The following TMEM41B variants were observed in gnomAD, a reference collection of about 807,000 sequenced individuals.
TMEM41B encodes transmembrane protein 41B, also known as protein stasimon.
In TMEM41B, 18 loss-of-function variants were observed where a neutral mutation model predicts 31.9. The observed-to-expected ratio is 0.56, with a 90% CI of 0.39 to 0.84. TMEM41B has a LOEUF of 0.84. TMEM41B is among the 40% of genes least tolerant of loss of function. The pLI, the probability that TMEM41B is intolerant of heterozygous loss-of-function variation, is 0.00. For missense variants in TMEM41B, 322 were observed against 348.0 expected, an observed-to-expected ratio of 0.93 and a Z score of 0.59; for synonymous variants, 144 against 124.3, an observed-to-expected ratio of 1.16 and a Z score of -1.05.
In TMEM41B at chr11:9,307,440, A is replaced by C. The variant is rs545179985; in HGVS notation, c.121+6881T>G. Among the ~76,000 whole-genome samples, 27 of 144,000 alleles carry C rather than the reference A, an allele frequency of 1.9e-4. No homozygotes were observed. The East Asian group carries it at 5.1e-3, about 27-fold the overall frequency. The allele number at this position is 144,000 out of a possible 152,430, so 94.5% of individuals were successfully genotyped here. On this transcript the variant is annotated intron_variant, in intron 1 of 6. Coordinates refer to ENST00000528080, the MANE Select transcript of TMEM41B (RefSeq NM_015012.4). ...AATTTAAACAGCTGAAGTATCATAA[A>C]ATAAAATCTTTTTTTTTTTTTGAGA...
chr11:9,293,644 C>T (rs1853008890), intron 3 of TMEM41B, among the ~76,000 whole-genome samples: 1 of 152,054 alleles, frequency 6.6e-6, no homozygotes, highest in East Asian at 1.9e-4. Flanking sequence ...TGCAGTGGCA[C>T]GATCTCAGCT....
At chr11:9,313,888 A>T (rs1853622850) in intron 1 of TMEM41B, among the ~76,000 whole-genome samples, 4 of 152,146 alleles carry the variant, frequency 2.6e-5, no homozygotes. Context: ...GCCACCTGGA[A>T]GTATTAAGTC....
intron 1 of TMEM41B, among the ~76,000 whole-genome samples, chr11:9,304,612 A>G (rs1457459882): frequency 6.6e-6 from 1 of 151,854 alleles, no homozygotes; most frequent in Admixed American, 6.6e-5. Context: ...CAGCCTCCTG[A>G]CTAGCTGGGA....
Position 9,281,383 on chromosome 11 carries a change from TAAG to T in TMEM41B, c.*2038_*2040del, listed in dbSNP as rs1414327235. ...ATCTCACGCAAAAGGCCAGGTGACATAAGAATACTACAATAATCAATATGTTTT... is the reference window on the plus strand; with the variant it reads ...ATCTCACGCAAAAGGCCAGGTGACATAATACTACAATAATCAATATGTTTT... On this transcript the variant is annotated 3_prime_UTR_variant, in exon 7 of 7. Coordinates refer to ENST00000528080, the MANE Select transcript of TMEM41B (RefSeq NM_015012.4). 1.3e-5 allele frequency: 2 copies of T among 152,190 alleles called. No homozygotes were observed. The highest frequency in any genetic ancestry group is 3.8e-4 in the East Asian group (2 of 5,198). The allele number at this position is 152,190 out of a possible 1,614,324, so 9.4% of individuals were successfully genotyped here.
chr11:9,299,722 T>C, intron 1 of TMEM41B, 21 bp from the exon 2 acceptor site: 1 of 1,484,620 alleles, frequency 6.7e-7, no homozygotes, highest in Non-Finnish European at 9.3e-7. Flanking sequence ...AAAGAAAGTA[T>C]AATTAAGATA....
intron 3 of TMEM41B, among the ~76,000 whole-genome samples, chr11:9,291,678 G>A (rs111830041): frequency 2.6e-4 from 40 of 151,544 alleles, no homozygotes; most frequent in African/African-American, 7.7e-4. Flanking sequence ...GGGATTACAG[G>A]TGTGGCCACC....
intron 5 of TMEM41B, 65 bp from the exon 6 acceptor site, chr11:9,286,658 A>G (rs1852844308): frequency 2.0e-6 from 3 of 1,468,232 alleles, no homozygotes; most frequent in African/African-American, 2.8e-5. Flanking sequence ...TGCTTAATAT[A>G]AACACCTTAT....
chr11:9,297,907 A>G (rs1853138627), intron 2 of TMEM41B, among the ~76,000 whole-genome samples: 1 of 151,608 alleles, frequency 6.6e-6, no homozygotes, highest in African/African-American at 2.4e-5. Flanking sequence ...TCTACAAAAA[A>G]TTAAAGAACT....
At chr11:9,292,983 C>G (rs962295979) in intron 3 of TMEM41B, among the ~76,000 whole-genome samples, 3 of 152,098 alleles carry the variant, frequency 2.0e-5, no homozygotes, top group African/African-American at 7.2e-5. Context: ...AAGATTCCTG[C>G]TATTCTCTTT....
At chr11:9,288,564 T>G in intron 3 of TMEM41B, 29 bp from the exon 4 acceptor site, 1 of 1,435,864 alleles carries the variant, frequency 7.0e-7, no homozygotes, top group Non-Finnish European at 9.5e-7. Flanking sequence ...AGGATTAGAA[T>G]ATAATTAAGT....
At chr11:9,290,902 G>C (rs528286184) in intron 3 of TMEM41B, among the ~76,000 whole-genome samples, 1 of 152,238 alleles carries the variant, frequency 6.6e-6, no homozygotes, top group African/African-American at 2.4e-5. Context: ...GATCACTTGA[G>C]ACTAGGAGTT....
chr11:9,294,981 TAAAC>T, intron 3 of TMEM41B: 1 of 248,188 alleles, frequency 4.0e-6, no homozygotes, highest in Non-Finnish European at 6.9e-6. Flanking sequence ...ACCCATAAAA[TAAAC>T]ATCTTAATAA....
chr11:9,309,308 A>G (rs749434755), intron 1 of TMEM41B, among the ~76,000 whole-genome samples: 4 of 152,036 alleles, frequency 2.6e-5, no homozygotes, highest in Non-Finnish European at 4.4e-5. Context: ...CTCCAGCCTG[A>G]TGCCACCAAA....
intron 1 of TMEM41B, among the ~76,000 whole-genome samples, chr11:9,309,309 T>C (rs1376390395): frequency 1.3e-5 from 2 of 151,992 alleles, no homozygotes; most frequent in African/African-American, 4.8e-5. Context: ...TCCAGCCTGA[T>C]GCCACCAAAT....
At chr11:9,297,226 G>A (rs1047178663) in intron 2 of TMEM41B, among the ~76,000 whole-genome samples, 8 of 152,040 alleles carry the variant, frequency 5.3e-5, no homozygotes, top group Non-Finnish European at 7.4e-5. Flanking sequence ...CTGGGACTAC[G>A]GGCGCCCGCC....
chr11:9,300,949 C>T (rs375745886), intron 1 of TMEM41B, among the ~76,000 whole-genome samples: 6 of 151,792 alleles, frequency 4.0e-5, no homozygotes, highest in Non-Finnish European at 2.9e-5. Flanking sequence ...GAAGAAAGTA[C>T]GGGACTGTTT....
intron 1 of TMEM41B, among the ~76,000 whole-genome samples, chr11:9,301,359 C>T (rs964780969): frequency 1.3e-5 from 2 of 152,162 alleles, no homozygotes; most frequent in Admixed American, 6.6e-5. Flanking sequence ...CGCACCACTG[C>T]ACCCCAGCCT....
At chr11:9,286,857 G>A (rs1019167914) in intron 5 of TMEM41B, among the ~76,000 whole-genome samples, 6 of 151,210 alleles carry the variant, frequency 4.0e-5, no homozygotes, top group African/African-American at 7.3e-5. Flanking sequence ...AAAATTAGCC[G>A]GGCATGGTGG....
chr11:9,290,701 T>C (rs1852939083), intron 3 of TMEM41B, among the ~76,000 whole-genome samples: 2 of 152,208 alleles, frequency 1.3e-5, no homozygotes, highest in South Asian at 4.1e-4. Flanking sequence ...TTAACGCAAC[T>C]GTATTTTTTC....
Sources: gnomAD v4.1 joint callset for allele counts (sites outside exome capture counted in the v4.1 genomes callset) on GRCh38, gnomAD v4.1.1 for gene constraint, MANE v1.5 for transcripts, NCBI Gene and HGNC (gene_info 2026-07-23, HGNC 2026-07-21) for gene names.